KLRD1: variants seen among roughly 807,000 people sequenced by gnomAD.
KLRD1 encodes the protein natural killer cells antigen CD94.
In KLRD1, 21 loss-of-function variants were observed where a neutral mutation model predicts 22.6. That is an observed-to-expected ratio of 0.93 (90% CI 0.66 to 1.34). KLRD1 has a LOEUF of 1.34. Ranked by LOEUF, KLRD1 falls within the 40% of genes most tolerant of loss-of-function variation. The pLI, the probability that KLRD1 is intolerant of heterozygous loss-of-function variation, is 0.00. For synonymous variants in KLRD1, 59 were observed against 71.1 expected (o/e 0.83, Z 0.85); for missense variants, 183 against 208.6 (o/e 0.88, Z 0.76).
At chr12:10,260,473 T>C (rs1018419837) in intron 1 of KLRD1, among the ~76,000 whole-genome samples, 58 of 152,192 alleles carry the variant, frequency 3.8e-4, no homozygotes, top group Admixed American at 1.0e-3. Flanking sequence ...ATATTATCTC[T>C]TCTACTCTAG....
chr12:10,261,432 G>A (rs56272210), intron 1 of KLRD1, among the ~76,000 whole-genome samples: 35,197 of 152,012 alleles, frequency 0.23, 4,491 homozygotes, highest in Non-Finnish European at 0.3. Context: ...GATCTACTGC[G>A]GGAAACATTA....
At chr12:10,258,559 G>A (rs1949420750) in intron 1 of KLRD1, among the ~76,000 whole-genome samples, 1 of 152,236 alleles carries the variant, frequency 6.6e-6, no homozygotes, top group South Asian at 2.1e-4. Context: ...TGGAACAAAA[G>A]ATCTATTGAA....
chr12:10,303,553 T>G (rs1446027066), upstream of KLRD1, among the ~76,000 whole-genome samples: 2 of 152,212 alleles, frequency 1.3e-5, no homozygotes, highest in African/African-American at 4.8e-5. Flanking sequence ...AGATTTCCTT[T>G]ACAGATGTAA....
intron 1 of KLRD1, among the ~76,000 whole-genome samples, chr12:10,248,073 G>A (rs1463477394): frequency 1.3e-5 from 2 of 152,138 alleles, no homozygotes; most frequent in Admixed American, 1.3e-4. Flanking sequence ...ATGTGCACAT[G>A]CGTGACCTTG....
intron 1 of KLRD1, among the ~76,000 whole-genome samples, chr12:10,272,464 C>G (rs1327340450): frequency 6.6e-6 from 1 of 152,122 alleles, no homozygotes; most frequent in African/African-American, 2.4e-5. Flanking sequence ...TGGTTATGAA[C>G]TCATTATTTT....
At chr12:10,294,750 T>A (rs751104671) in intron 1 of KLRD1, among the ~76,000 whole-genome samples, 15 of 152,152 alleles carry the variant, frequency 9.9e-5, no homozygotes, top group Non-Finnish European at 1.5e-4. Context: ...CCAAATTGGG[T>A]CCCAACTGAG....
In KLRD1 at chr12:10,243,915, A is replaced by T. The variant is rs944254351; in HGVS notation, c.-101+17682A>T. Among the ~76,000 whole-genome samples, 11 of 152,174 alleles carry T rather than the reference A, an allele frequency of 7.2e-5. 1 individual carries two copies. The highest frequency in any genetic ancestry group is 6.5e-4 in the Admixed American group (10 of 15,270). On this transcript the variant is annotated intron_variant, in intron 1 of 5. Transcript: ENST00000544747. ...ATATAACTAATAAATAAATTGCTGCAGGTATGCGGGACTAAAATAAGGTGT... is the reference window on the plus strand; with the variant it reads ...ATATAACTAATAAATAAATTGCTGCTGGTATGCGGGACTAAAATAAGGTGT...
At chr12:10,272,475 T>A (rs987010295) in intron 1 of KLRD1, among the ~76,000 whole-genome samples, 4 of 152,250 alleles carry the variant, frequency 2.6e-5, no homozygotes, top group Admixed American at 6.5e-5. Context: ...TCATTATTTT[T>A]AATATTATTT....
At chr12:10,292,750 C>G (rs1162411387) in intron 1 of KLRD1, among the ~76,000 whole-genome samples, 1 of 152,166 alleles carries the variant, frequency 6.6e-6, no homozygotes, top group Non-Finnish European at 1.5e-5. Flanking sequence ...TAGCCCCTAA[C>G]AAGAGAGCCA....
rs1949260919 is a variant in KLRD1, at chr12:10,243,587, T to TGGGCAACA, written c.-101+17356_-101+17363dup. 2.9e-5 allele frequency among the ~76,000 whole-genome samples: 3 copies of TGGGCAACA among 104,638 alleles called. No individual in the cohort carries two copies. The Admixed American group carries it at 4.6e-4, about 16-fold the overall frequency. The allele number at this position is 104,638 out of a possible 152,430, so 68.6% of individuals were successfully genotyped here. ...CAAGGTCACGCCACTCACTCCAGCC[T>TGGGCAACA]GGGCAACAGAGTGAGACTCCAAAAA... On this transcript the variant is annotated intron_variant, in intron 1 of 5. Transcript: ENST00000544747.
chr12:10,264,083 T>C (rs572634822), intron 1 of KLRD1, among the ~76,000 whole-genome samples: 9 of 152,244 alleles, frequency 5.9e-5, no homozygotes, highest in African/African-American at 2.2e-4. Flanking sequence ...AAGCCATGCA[T>C]GAATTATTTT....
In KLRD1 at chr12:10,325,862, A is replaced by G. The variant is rs1340098216; in HGVS notation, c.*11069A>G. On this transcript the variant is annotated 3_prime_UTR_variant, in exon 6 of 6. Coordinates refer to ENST00000336164, the MANE Select transcript of KLRD1 (RefSeq NM_002262.5). ...GATTGGTGGATCATATGGTAGTTCT[A>G]TTTTTAATTTTTTGAGAAATCACCA... 1 of 152,146 alleles carries G rather than the reference A, an allele frequency of 6.6e-6. No homozygotes were observed. The highest frequency in any genetic ancestry group is 1.5e-5 in the Non-Finnish European group (1 of 68,016). 9.4% of individuals were successfully genotyped at this position (152,146 alleles called of 1,614,324 possible).
At chr12:10,289,566 A>G (rs1949745903) in intron 1 of KLRD1, among the ~76,000 whole-genome samples, 1 of 151,670 alleles carries the variant, frequency 6.6e-6, no homozygotes, top group Non-Finnish European at 1.5e-5. Context: ...GTGTAGATTT[A>G]CTTATATGCA....
intron 1 of KLRD1, among the ~76,000 whole-genome samples, chr12:10,285,972 C>T (rs1417626988): frequency 6.6e-6 from 1 of 152,112 alleles, no homozygotes; most frequent in African/African-American, 2.4e-5. Context: ...GCTTTTTGCC[C>T]AGGTAAATTG....
chr12:10,306,145 T>C (rs1949922763), upstream of KLRD1, among the ~76,000 whole-genome samples: 1 of 98,524 alleles, frequency 1.0e-5, no homozygotes, highest in South Asian at 4.0e-4. Flanking sequence ...CCAGCCTGGG[T>C]GACAGAGACT....
At chr12:10,263,016 C>G (rs1949467674) in intron 1 of KLRD1, among the ~76,000 whole-genome samples, 1 of 152,066 alleles carries the variant, frequency 6.6e-6, no homozygotes, top group African/African-American at 2.4e-5. Flanking sequence ...CAGCAAACAC[C>G]TTAGACGTAG....
rs2137736989 is a variant in KLRD1, at chr12:10,317,281, T to C, written c.*2488T>C. The C allele has an allele frequency of 6.6e-6, 1 of 152,314 alleles. No individual in the cohort carries two copies. Among genetic ancestry groups the C allele is most frequent in the South Asian group, 2.1e-4 (1 of 4,818 alleles). 9.4% of individuals were successfully genotyped at this position (152,314 alleles called of 1,614,324 possible). On this transcript the variant is annotated 3_prime_UTR_variant, in exon 6 of 6. Transcript: ENST00000336164. ...AGGACAAGTAATTATTTTCTGTTTTTCTCAATACATTAATTATTAGTTCCT... is the reference window on the plus strand; with the variant it reads ...AGGACAAGTAATTATTTTCTGTTTTCCTCAATACATTAATTATTAGTTCCT...
In KLRD1 at chr12:10,327,775, T is replaced by C. The variant is rs1950374238; in HGVS notation, c.*12982T>C. ...CAGAGGAAAAGTTCAGCTTTTTCCA[T>C]AGCATGATATTAGCTATGCACTTTA... is the stretch of plus-strand genomic sequence containing the variant. On this transcript the variant is annotated 3_prime_UTR_variant, in exon 6 of 6. Coordinates refer to ENST00000336164, the MANE Select transcript of KLRD1 (RefSeq NM_002262.5). 1 of 152,176 alleles carries C rather than the reference T, an allele frequency of 6.6e-6. No individual in the cohort carries two copies. Among genetic ancestry groups the C allele is most frequent in the Non-Finnish European group, 1.5e-5 (1 of 68,010 alleles). 9.4% of individuals were successfully genotyped at this position (152,176 alleles called of 1,614,324 possible).
chr12:10,327,949 T>C lies in KLRD1; in HGVS notation c.*13156T>C, dbSNP rs1362417749. 2 of 152,198 alleles carry C rather than the reference T, an allele frequency of 1.3e-5. No individual in the cohort carries two copies. The highest frequency in any genetic ancestry group is 2.9e-5 in the Non-Finnish European group (2 of 68,016). 9.4% of individuals were successfully genotyped at this position (152,198 alleles called of 1,614,324 possible). On this transcript the variant is annotated 3_prime_UTR_variant, in exon 6 of 6. Transcript: ENST00000336164. ...TGACATTTATCCTTCATTCTATTAATGTGGTATATTACATTAATTGATTTT... is the reference window on the plus strand; with the variant it reads ...TGACATTTATCCTTCATTCTATTAACGTGGTATATTACATTAATTGATTTT...
Sources: gnomAD v4.1 joint callset for allele counts (sites outside exome capture counted in the v4.1 genomes callset) on GRCh38, gnomAD v4.1.1 for gene constraint, MANE v1.5 for transcripts, NCBI Gene and HGNC (gene_info 2026-07-23, HGNC 2026-07-21) for gene names.